Variants in TRIOBP observed in about 807,000 individuals in gnomAD.
TRIOBP encodes TRIO and F-actin-binding protein.
A neutral mutation model predicts 238.8 loss-of-function variants in TRIOBP; 169 were observed. The observed-to-expected ratio is 0.71, with a 90% CI of 0.62 to 0.80. TRIOBP has a LOEUF of 0.80. Ranked by LOEUF, TRIOBP falls within the 30% of genes least tolerant of loss-of-function variation. The pLI is 0.00. For synonymous variants in TRIOBP, 1,150 were observed against 1,274.4 expected (o/e 0.90, Z 2.08); for missense variants, 2,838 against 3,122.6 (o/e 0.91, Z 2.17).
At chr22:37,718,854 T>G (rs1464827624) in intron 6 of TRIOBP, among the ~76,000 whole-genome samples, 1 of 146,340 alleles carries the variant, frequency 6.8e-6, no homozygotes, top group Non-Finnish European at 1.5e-5. Context: ...TTTTTTTTTT[T>G]TTTTTTTTTT....
intron 11 of TRIOBP, 36 bp downstream of exon 11, chr22:37,741,068 G>T (rs1048863500): frequency 1.9e-6 from 3 of 1,553,464 alleles, no homozygotes; most frequent in Non-Finnish European, 2.6e-6. Context: ...AGGGGTGAGG[G>T]TGGATAGAGA....
At chr22:37,765,986 C>T (rs1009823235) in intron 18 of TRIOBP, among the ~76,000 whole-genome samples, 169 bp downstream of exon 18, 14 of 152,258 alleles carry the variant, frequency 9.2e-5, no homozygotes, top group African/African-American at 3.4e-4. Flanking sequence ...GCCTGTAGCC[C>T]TACTTAAAAA....
chr22:37,713,099 C>T (rs912474260), intron 4 of TRIOBP, 111 bp from the exon 5 acceptor site: 43 of 973,570 alleles, frequency 4.4e-5, no homozygotes, highest in Non-Finnish European at 5.8e-5. Context: ...CTCCCTTTCC[C>T]ACACCAGCGT....
intron 6 of TRIOBP, among the ~76,000 whole-genome samples, chr22:37,722,596 G>T (rs989683081): frequency 1.3e-5 from 2 of 151,664 alleles, no homozygotes; most frequent in Non-Finnish European, 2.9e-5. Context: ...GCATGGTGGC[G>T]CATGCCTGTA....
chr22:37,720,772 C>T (rs73168245), intron 6 of TRIOBP, among the ~76,000 whole-genome samples: 2,794 of 152,164 alleles, frequency 0.018, 46 homozygotes, highest in Non-Finnish European at 0.031. Context: ...CTCAGCCTCC[C>T]GAAATGTTGG....
In TRIOBP at chr22:37,734,667, A is replaced by G; in HGVS notation, c.4331A>G (p.Glu1444Gly). The change falls in exon 9 of 24, where the codon GAA becomes GGA. Residue 1444 changes from glutamate to glycine, a missense_variant. By Grantham distance (98) the Glu-to-Gly change is moderately conservative. Transcript: ENST00000644935. The stretch of plus-strand genomic sequence containing the variant: ...TCCCAGGGCCCTCATAGACACCTAG[A>G]AAGGAGCTGGAGCAGCCAGGAGGGA... ...PGSQGPHRHL[E>G]RSWSSQEGGL... 1 of 1,600,600 alleles carries G rather than the reference A, an allele frequency of 6.2e-7. No individual in the cohort carries two copies. Among genetic ancestry groups the G allele is most frequent in the Non-Finnish European group, 8.5e-7 (1 of 1,174,152 alleles).
intron 19 of TRIOBP, 32 bp from the exon 20 acceptor site, chr22:37,768,996 C>T (rs1412974861): frequency 6.2e-7 from 1 of 1,612,690 alleles, no homozygotes; most frequent in Non-Finnish European, 8.5e-7. Context: ...GCAAGACAAC[C>T]TATGCTCTCC....
At chr22:37,769,223 G>A (rs1475546148) in intron 20 of TRIOBP, 36 bp downstream of exon 20, 1 of 1,603,096 alleles carries the variant, frequency 6.2e-7, no homozygotes, top group East Asian at 2.3e-5. Flanking sequence ...ACACGGGTGG[G>A]TCCCGGCACC....
Position 37,758,204 on chromosome 22 carries a change from T to C in TRIOBP, c.6213+66T>C, listed in dbSNP as rs76486444. ...AGCGCCCCTCCAGTCCCTGCATTCA[T>C]GCCCTGGCATTTGTCTTGCACTCCT... On this transcript the variant is annotated intron_variant, in intron 16 of 23. Transcript: ENST00000644935. 3,620 of 1,586,342 alleles carry C rather than the reference T, an allele frequency of 2.3e-3. 84 individuals are homozygous for C. The African/African-American group carries it at 0.044, about 19-fold the overall frequency.
chr22:37,762,514 A>G (rs10212058), intron 17 of TRIOBP, among the ~76,000 whole-genome samples: 32,343 of 152,220 alleles, frequency 0.21, 3,637 homozygotes, highest in Admixed American at 0.28. Flanking sequence ...CCTTTGAGCT[A>G]TAGGCAGACC....
At chr22:37,744,520 T>TAGAC (rs1339253280) in intron 11 of TRIOBP, among the ~76,000 whole-genome samples, 1 of 152,142 alleles carries the variant, frequency 6.6e-6, no homozygotes, top group Non-Finnish European at 1.5e-5. Context: ...GGAAGTGGTC[T>TAGAC]GGTCACTGTG....
intron 10 of TRIOBP, among the ~76,000 whole-genome samples, chr22:37,740,169 A>C (rs1386533786): frequency 6.6e-6 from 1 of 152,180 alleles, no homozygotes; most frequent in Non-Finnish European, 1.5e-5. Context: ...TGATGCTTCA[A>C]GTTCCACTTC....
chr22:37,701,788 CAA>C (rs1305103887), intron 3 of TRIOBP, among the ~76,000 whole-genome samples: 1 of 152,210 alleles, frequency 6.6e-6, no homozygotes, highest in Admixed American at 6.5e-5. Flanking sequence ...ATCATCAACA[CAA>C]GTAGAAAACT....
At chr22:37,760,231 A>G (rs1028284310) in intron 17 of TRIOBP, 1 of 152,392 alleles carries the variant, frequency 6.6e-6, no homozygotes, top group Admixed American at 6.5e-5. Context: ...TTACAATGTA[A>G]TGGTTATAGA....
At chr22:37,730,732 A>G (rs1279623298) in intron 7 of TRIOBP, among the ~76,000 whole-genome samples, 3 of 152,130 alleles carry the variant, frequency 2.0e-5, no homozygotes, top group Admixed American at 1.3e-4. Context: ...ACCTGAGGTC[A>G]GGAGTTCAAA....
At chr22:37,751,445 A>G in intron 11 of TRIOBP, 1 of 426,492 alleles carries the variant, frequency 2.3e-6, no homozygotes, top group East Asian at 5.0e-5. Flanking sequence ...CTATGCAGGC[A>G]GAGTCCTCCC....
chr22:37,753,280 T>G (rs1925721912), intron 12 of TRIOBP, among the ~76,000 whole-genome samples: 2 of 151,000 alleles, frequency 1.3e-5, no homozygotes, highest in South Asian at 4.2e-4. Flanking sequence ...TTATTTTTGT[T>G]TTTTTTTTTC....
Position 37,757,965 on chromosome 22 carries a change from CT to C in TRIOBP, c.6041del (p.Leu2014ArgfsTer80). The C allele has an allele frequency of 6.4e-7, 1 of 1,573,266 alleles. No individual in the cohort carries two copies. Among genetic ancestry groups the C allele is most frequent in the South Asian group, 1.2e-5 (1 of 86,430 alleles). On this transcript the variant is annotated frameshift_variant, in exon 16 of 24. Coordinates refer to ENST00000644935, the MANE Select transcript of TRIOBP (RefSeq NM_001039141.3). LOFTEE classifies it high-confidence loss of function. ...EGPRRGLGAP[L>X]TEDQQNRLSE... ...GCCGCGCCGGGGCCTGGGTGCCCCC[CT>C]GACTGAGGACCAGCAAAACCGGCTT...
In TRIOBP at chr22:37,720,881, A is replaced by G. The variant is rs191656766; in HGVS notation, c.629-2304A>G. On this transcript the variant is annotated intron_variant, in intron 6 of 23. Transcript: ENST00000644935. ...TTTTTTGTTTTTTGTTTTCTGAGAC[A>G]GAGTCTCGCTCTGTCACCCAGGCTG... 3.5e-4 allele frequency among the ~76,000 whole-genome samples: 54 copies of G among 152,166 alleles called. No homozygotes were observed. The East Asian group carries it at 0.01, about 29-fold the overall frequency.
Sources: gnomAD v4.1 joint callset for allele counts (sites outside exome capture counted in the v4.1 genomes callset) on GRCh38, gnomAD v4.1.1 for gene constraint, MANE v1.5 for transcripts, NCBI Gene and HGNC (gene_info 2026-07-23, HGNC 2026-07-21) for gene names.